The following RCOR1 variants were observed in gnomAD, a reference collection of about 807,000 sequenced individuals.
The protein encoded by RCOR1 is REST corepressor.
Under a neutral mutation model 64.0 loss-of-function variants are expected in RCOR1, and 12 were observed. That is an observed-to-expected ratio of 0.19 (90% CI 0.12 to 0.30). RCOR1 has a LOEUF of 0.30. RCOR1 is among the 10% of genes least tolerant of loss of function. The pLI is 1.00. For synonymous variants in RCOR1, 279 were observed against 227.2 expected, an observed-to-expected ratio of 1.23 and a Z score of -2.05; for missense variants, 502 against 621.2, an observed-to-expected ratio of 0.81 and a Z score of 2.04.
chr14:102,599,712 A>G (rs1009040696), intron 2 of RCOR1, among the ~76,000 whole-genome samples: 1 of 151,286 alleles, frequency 6.6e-6, no homozygotes, highest in African/African-American at 2.4e-5. Context: ...TATGCCTTTC[A>G]TTTGTTTTCA....
In RCOR1 at chr14:102,728,087, T is replaced by C. The variant is rs1896306218; in HGVS notation, c.*1581T>C. On this transcript the variant is annotated 3_prime_UTR_variant, in exon 12 of 12. Coordinates refer to ENST00000262241, the MANE Select transcript of RCOR1 (RefSeq NM_015156.4). ...TTTTGTCTCCCAAGCACCTTGTTTTTTGTTGTTGTTGTTGTTGTTGAAGTC... is the reference window on the plus strand; with the variant it reads ...TTTTGTCTCCCAAGCACCTTGTTTTCTGTTGTTGTTGTTGTTGTTGAAGTC... 6.6e-6 allele frequency: 1 copy of C among 151,534 alleles called. No homozygotes were observed. Among genetic ancestry groups the C allele is most frequent in the African/African-American group, 2.4e-5 (1 of 41,350 alleles). 9.4% of individuals were successfully genotyped at this position (151,534 alleles called of 1,614,324 possible).
At chr14:102,658,303 G>A (rs561545280) in intron 2 of RCOR1, among the ~76,000 whole-genome samples, 1 of 151,936 alleles carries the variant, frequency 6.6e-6, no homozygotes, top group Non-Finnish European at 1.5e-5. Flanking sequence ...TTTCTGGCCA[G>A]GTGCGGTGGC....
intron 2 of RCOR1, among the ~76,000 whole-genome samples, chr14:102,593,561 C>G (rs921075306): frequency 6.6e-6 from 1 of 152,254 alleles, no homozygotes; most frequent in Admixed American, 6.5e-5. Flanking sequence ...CGCCGCTGCC[C>G]CCTTGCGCCT....
intron 2 of RCOR1, among the ~76,000 whole-genome samples, chr14:102,669,728 C>G (rs376597352): frequency 6.6e-6 from 1 of 152,160 alleles, no homozygotes; most frequent in Non-Finnish European, 1.5e-5. Context: ...TACACAGTGC[C>G]TAGCACATAG....
intron 2 of RCOR1, among the ~76,000 whole-genome samples, chr14:102,610,932 A>G (rs1893619384): frequency 6.6e-6 from 1 of 152,036 alleles, no homozygotes; most frequent in Non-Finnish European, 1.5e-5. Context: ...TGAGATGGGT[A>G]CAGCTGAGAA....
intron 2 of RCOR1, among the ~76,000 whole-genome samples, chr14:102,621,909 AC>A (rs1215245623): frequency 6.6e-6 from 1 of 152,128 alleles, no homozygotes; most frequent in Non-Finnish European, 1.5e-5. Flanking sequence ...TTCAGATTGT[AC>A]CAATTTAGCT....
At chr14:102,671,675 T>C (rs1371675328) in intron 2 of RCOR1, among the ~76,000 whole-genome samples, 1 of 152,206 alleles carries the variant, frequency 6.6e-6, no homozygotes, top group East Asian at 1.9e-4. Context: ...GCTTTTTAAA[T>C]AACAGCTTTA....
chr14:102,682,093 A>G (rs1895317165), intron 3 of RCOR1, 115 bp downstream of exon 3: 3 of 629,188 alleles, frequency 4.8e-6, no homozygotes. Flanking sequence ...TTTAAGATAA[A>G]TAATTTAAAG....
chr14:102,709,649 AT>A (rs1219651676), intron 6 of RCOR1, among the ~76,000 whole-genome samples: 2 of 152,248 alleles, frequency 1.3e-5, no homozygotes, highest in African/African-American at 2.4e-5. Context: ...GTAAGAGCCT[AT>A]AAAATTATCG....
chr14:102,627,670 AAC>A (rs560181667), intron 2 of RCOR1, among the ~76,000 whole-genome samples: 24 of 151,068 alleles, frequency 1.6e-4, no homozygotes, highest in African/African-American at 4.9e-4. Flanking sequence ...AAAAAAAAAA[AAC>A]ACACACACAC....
intron 2 of RCOR1, among the ~76,000 whole-genome samples, chr14:102,651,810 C>T (rs1292249830): frequency 2.6e-5 from 4 of 152,046 alleles, no homozygotes; most frequent in East Asian, 1.9e-4. Context: ...CTGGGCTCAA[C>T]GGGTCCTCCT....
At chr14:102,661,915 C>T (rs1194600824) in intron 2 of RCOR1, among the ~76,000 whole-genome samples, 1 of 152,058 alleles carries the variant, frequency 6.6e-6, no homozygotes, top group Non-Finnish European at 1.5e-5. Flanking sequence ...AGCCACAATG[C>T]CTTGCTAATT....
At chr14:102,610,642 A>G (rs927376528) in intron 2 of RCOR1, among the ~76,000 whole-genome samples, 4 of 152,102 alleles carry the variant, frequency 2.6e-5, no homozygotes, top group Non-Finnish European at 5.9e-5. Flanking sequence ...AGCTTACTGC[A>G]AGCTCGCCCA....
intron 2 of RCOR1, among the ~76,000 whole-genome samples, chr14:102,602,686 C>T (rs1446532086): frequency 2.0e-5 from 3 of 152,172 alleles, no homozygotes; most frequent in African/African-American, 4.8e-5. Context: ...GGATTACAGA[C>T]GTGATCCACT....
At chr14:102,640,135 A>G (rs1894336791) in intron 2 of RCOR1, among the ~76,000 whole-genome samples, 2 of 152,018 alleles carry the variant, frequency 1.3e-5, no homozygotes, top group Non-Finnish European at 2.9e-5. Flanking sequence ...GTGAGCCGCC[A>G]CACCCAGCCA....
intron 2 of RCOR1, among the ~76,000 whole-genome samples, chr14:102,635,393 A>T (rs1416188902): frequency 6.6e-6 from 1 of 151,946 alleles, no homozygotes; most frequent in Non-Finnish European, 1.5e-5. Context: ...ATTCCCAGCT[A>T]CTCGGGAGGC....
At chr14:102,704,597 A>G (rs1006115405) in intron 4 of RCOR1, among the ~76,000 whole-genome samples, 3 of 152,120 alleles carry the variant, frequency 2.0e-5, no homozygotes, top group Admixed American at 6.5e-5. Context: ...ATGCCCGGCT[A>G]ATTTTTGTAT....
intron 2 of RCOR1, among the ~76,000 whole-genome samples, chr14:102,628,774 G>A (rs1201750419): frequency 3.9e-5 from 6 of 152,176 alleles, no homozygotes; most frequent in Non-Finnish European, 8.8e-5. Flanking sequence ...GGCTAGTCTC[G>A]AACTCCTGAC....
intron 8 of RCOR1, 41 bp downstream of exon 8, chr14:102,714,658 G>GC (rs1896029684): frequency 3.4e-6 from 5 of 1,450,130 alleles, no homozygotes; most frequent in Non-Finnish European, 4.7e-6. Context: ...GAATTAATTA[G>GC]CACTTTAGAG....
Sources: allele counts gnomAD v4.1 joint callset (sites outside exome capture counted in the v4.1 genomes callset), GRCh38; gene constraint gnomAD v4.1.1; transcripts MANE v1.5; gene names NCBI Gene and HGNC (gene_info 2026-07-23, HGNC 2026-07-21).